ANKRD28: variants seen among roughly 807,000 people sequenced by gnomAD.
The protein encoded by ANKRD28 is serine/threonine-protein phosphatase 6 regulatory ankyrin repeat subunit A.
A neutral mutation model predicts 126.5 loss-of-function variants in ANKRD28; 44 were observed. The ratio of observed to expected loss-of-function variants is 0.35; its 90% CI spans 0.27 to 0.45. The LOEUF (loss-of-function observed/expected upper bound fraction) is 0.45, where lower values mean the gene tolerates loss of function less well. Among genes scored for constraint, ANKRD28 ranks in the 20% least tolerant of loss-of-function variants. ANKRD28 has a pLI of 1.00. For synonymous variants in ANKRD28, 442 were observed against 468.5 expected (o/e 0.94, Z 0.73); for missense variants, 1,110 against 1,316.6 (o/e 0.84, Z 2.43).
chr3:15,766,204 T>C (rs1350280133), intron 3 of ANKRD28, 30 bp downstream of exon 3: 1 of 1,519,566 alleles, frequency 6.6e-7, no homozygotes, highest in Non-Finnish European at 9.1e-7. Flanking sequence ...ATATACATAA[T>C]GTGTTCTTAT....
At chr3:15,711,766 A>C (rs535158971) in intron 11 of ANKRD28, among the ~76,000 whole-genome samples, 2 of 151,864 alleles carry the variant, frequency 1.3e-5, no homozygotes, top group African/African-American at 4.8e-5. Context: ...GGCTTACTGC[A>C]ACCTCTGCCT....
At chr3:15,747,936 T>G (rs1313281549) in intron 4 of ANKRD28, among the ~76,000 whole-genome samples, 2 of 152,230 alleles carry the variant, frequency 1.3e-5, no homozygotes, top group African/African-American at 4.8e-5. Flanking sequence ...CTTTTATCAT[T>G]ATATAATGTC....
chr3:15,842,537 A>G (rs1285432669), intron 1 of ANKRD28, among the ~76,000 whole-genome samples: 1 of 152,202 alleles, frequency 6.6e-6, no homozygotes, highest in Non-Finnish European at 1.5e-5. Flanking sequence ...GGGTGACTAT[A>G]GTCAAAAATA....
chr3:15,724,137 T>C (rs1053482670), intron 7 of ANKRD28, among the ~76,000 whole-genome samples: 2 of 152,198 alleles, frequency 1.3e-5, no homozygotes, highest in Admixed American at 1.3e-4. Flanking sequence ...TGGAACGTGA[T>C]ATAGAAGAAA....
Position 15,797,490 on chromosome 3 carries a change from C to G in ANKRD28, c.-969G>C, listed in dbSNP as rs986835519. The G allele has an allele frequency of 2.0e-5, 20 of 984,170 alleles. No individual in the cohort carries two copies. In the African/African-American group the frequency reaches 3.5e-4, roughly 17 times the overall value. 61.0% of individuals were successfully genotyped at this position (984,170 alleles called of 1,614,324 possible). A position where few individuals can be genotyped will look rare whatever the true frequency, so the allele number is the denominator to read the frequency against. ...GTGTTAGTGGAGAATCCTAGTAGAA[C>G]AAGCAGGCTGTGAAGGAATTAGAAG... On this transcript the variant is annotated 5_prime_UTR_variant, in exon 1 of 28. Coordinates refer to ENST00000683139, the MANE Select transcript of ANKRD28 (RefSeq NM_001349278.2).
chr3:15,707,507 A>G (rs1352415887), intron 14 of ANKRD28, among the ~76,000 whole-genome samples: 13 of 152,218 alleles, frequency 8.5e-5, no homozygotes, highest in Admixed American at 8.5e-4. Context: ...GCAAATCTGA[A>G]CTGTCTACCT....
At chr3:15,722,552 T>TTC (rs2073840687) in intron 7 of ANKRD28, among the ~76,000 whole-genome samples, 1 of 152,160 alleles carries the variant, frequency 6.6e-6, no homozygotes, top group African/African-American at 2.4e-5. Context: ...TCTGGTGAAT[T>TTC]ATCAAACCTG....
rs193173243 is a variant in ANKRD28 at position 15,826,633 on chromosome 3, T to A, written c.28-31327A>T. The stretch of plus-strand genomic sequence containing the variant: ...ATGGCAAAGTATTCACAGCTGTTTA[T>A]TCCTAGTGATAGGTAGTTAGGTTTA... On this transcript the variant is annotated intron_variant, in intron 1 of 27. Transcript: ENST00000399451. Among the ~76,000 whole-genome samples the A allele has an allele frequency of 3.9e-5, 6 of 152,330 alleles. No homozygotes were observed. The East Asian group carries it at 1.2e-3, about 29-fold the overall frequency.
intron 15 of ANKRD28, among the ~76,000 whole-genome samples, chr3:15,695,419 C>T (rs190689215): frequency 6.6e-6 from 1 of 152,158 alleles, no homozygotes; most frequent in Admixed American, 6.5e-5. Flanking sequence ...TGTGAATATC[C>T]ATAACGTAGG....
At chr3:15,689,835 G>T in intron 18 of ANKRD28, 184 bp downstream of exon 18, 4 of 562,940 alleles carry the variant, frequency 7.1e-6, no homozygotes, top group Non-Finnish European at 1.2e-5. Flanking sequence ...TATGAATGAC[G>T]GAGGCTTTGT....
intron 3 of ANKRD28, among the ~76,000 whole-genome samples, chr3:15,758,440 TC>T (rs1487174055): frequency 6.6e-6 from 1 of 152,170 alleles, no homozygotes; most frequent in Non-Finnish European, 1.5e-5. Context: ...GTGGGTTTGT[TC>T]AACTCCCAAC....
At chr3:15,848,556 T>A (rs2061574686) in intron 1 of ANKRD28, among the ~76,000 whole-genome samples, 1 of 151,854 alleles carries the variant, frequency 6.6e-6, no homozygotes, top group Non-Finnish European at 1.5e-5. Context: ...ATGCCTGTGG[T>A]CCCACCTACT....
chr3:15,693,089 G>A (rs1175342004), intron 17 of ANKRD28, among the ~76,000 whole-genome samples: 1 of 152,094 alleles, frequency 6.6e-6, no homozygotes. Flanking sequence ...GTATTACCAG[G>A]GACTGGGGAA....
At chr3:15,672,547 T>C (rs1575069211) in intron 27 of ANKRD28, among the ~76,000 whole-genome samples, 1 of 152,216 alleles carries the variant, frequency 6.6e-6, no homozygotes. Flanking sequence ...AGGCTGTCCG[T>C]ATTTTTAATT....
intron 1 of ANKRD28, among the ~76,000 whole-genome samples, chr3:15,819,670 T>G (rs567165405): frequency 6.6e-6 from 1 of 152,310 alleles, no homozygotes; most frequent in South Asian, 2.1e-4. Flanking sequence ...TGTTACAAGT[T>G]ACACAGATGA....
intron 1 of ANKRD28, among the ~76,000 whole-genome samples, chr3:15,806,161 T>C (rs1051814743): frequency 6.6e-6 from 1 of 152,230 alleles, no homozygotes; most frequent in African/African-American, 2.4e-5. Context: ...GTTTCTTTTA[T>C]ACATAAATTT....
chr3:15,809,607 G>A (rs2060665141), intron 1 of ANKRD28, among the ~76,000 whole-genome samples: 1 of 152,198 alleles, frequency 6.6e-6, no homozygotes, highest in African/African-American at 2.4e-5. Flanking sequence ...TAGGAGGAAT[G>A]AAAGAATGGG....
At chr3:15,743,390 C>T (rs1188161981) in intron 4 of ANKRD28, among the ~76,000 whole-genome samples, 1 of 151,674 alleles carries the variant, frequency 6.6e-6, no homozygotes, top group Non-Finnish European at 1.5e-5. Context: ...AAAAACAAAA[C>T]ATATTTGCAA....
At chr3:15,687,469 C>T (rs2068267528) in intron 18 of ANKRD28, among the ~76,000 whole-genome samples, 1 of 152,000 alleles carries the variant, frequency 6.6e-6, no homozygotes, top group Non-Finnish European at 1.5e-5. Flanking sequence ...AAGTTAAATC[C>T]TCTGCAAAAT....
Sources: gnomAD v4.1 joint callset for allele counts (sites outside exome capture counted in the v4.1 genomes callset) on GRCh38, gnomAD v4.1.1 for gene constraint, MANE v1.5 for transcripts, NCBI Gene and HGNC (gene_info 2026-07-23, HGNC 2026-07-21) for gene names.